Variants in NCOA7 observed in about 807,000 individuals in gnomAD.
The protein encoded by NCOA7 is 140 kDa estrogen receptor-associated protein.
In NCOA7, 45 loss-of-function variants were observed where a neutral mutation model predicts 104.3. That is an observed-to-expected ratio of 0.43 (90% CI 0.34 to 0.55). The LOEUF (loss-of-function observed/expected upper bound fraction) is 0.55. Among genes scored for constraint, NCOA7 ranks in the 20% least tolerant of loss-of-function variants. The pLI, the probability that NCOA7 is intolerant of heterozygous loss-of-function variation, is 0.02. For synonymous variants in NCOA7, 398 were observed against 402.3 expected (o/e 0.99, Z 0.13); for missense variants, 1,041 against 1,119.7 (o/e 0.93, Z 1.00).
intron 3 of NCOA7, among the ~76,000 whole-genome samples, chr6:125,866,882 G>A (rs1031610988): frequency 6.6e-6 from 1 of 152,084 alleles, no homozygotes; most frequent in Non-Finnish European, 1.5e-5. Context: ...ATAGTCTTAT[G>A]TATTTGTGCT....
At chr6:125,788,698 A>ATTTTTTTTTTTT (rs60048395), upstream of NCOA7, among the ~76,000 whole-genome samples, 9 of 121,912 alleles carry the variant, frequency 7.4e-5, no homozygotes, top group African/African-American at 2.2e-4. Flanking sequence ...CACCCAGCTA[A>ATTTTTTTTTTTT]TTTTTTTTTT....
chr6:125,857,893 G>C, intron 3 of NCOA7, among the ~76,000 whole-genome samples: 1 of 151,684 alleles, frequency 6.6e-6, no homozygotes, highest in East Asian at 1.9e-4. Context: ...AGCCCAAAGC[G>C]TATGCTTTTT....
rs956456753 is a variant in NCOA7 at position 125,840,578 on chromosome 6, A to T, written c.51-14442A>T. 2.0e-5 allele frequency among the ~76,000 whole-genome samples: 3 copies of T among 151,738 alleles called. 1 individual carries two copies. Among genetic ancestry groups the T allele is most frequent in the African/African-American group, 7.3e-5 (3 of 41,164 alleles). ...GCCCCAGATGGAGTGCAGTGGCATG[A>T]TCATAGCTCACTGTAGCCTCAAACC... On this transcript the variant is annotated intron_variant, in intron 2 of 15. Coordinates refer to ENST00000392477, the MANE Select transcript of NCOA7 (RefSeq NM_181782.5).
Position 125,928,808 on chromosome 6 carries a change from TG to T in NCOA7, c.*40del. 6.3e-7 allele frequency: 1 copy of T among 1,598,718 alleles called. No homozygotes were observed. On this transcript the variant is annotated 3_prime_UTR_variant, in exon 16 of 16. Coordinates refer to ENST00000392477, the MANE Select transcript of NCOA7 (RefSeq NM_181782.5). ...CCTTAAAATATAACATTAAAAAGAC[TG>T]GGTTCGATCAGCCCTCCTAAAGCTG...
chr6:125,803,732 C>G (rs1776139837), intron 1 of NCOA7, among the ~76,000 whole-genome samples: 1 of 152,172 alleles, frequency 6.6e-6, no homozygotes, highest in Admixed American at 6.5e-5. Flanking sequence ...TCACTGATAA[C>G]ATCTCAGAAG....
chr6:125,845,505 G>C (rs912757435), intron 2 of NCOA7, among the ~76,000 whole-genome samples: 1 of 152,184 alleles, frequency 6.6e-6, no homozygotes, highest in Non-Finnish European at 1.5e-5. Context: ...GCTGGGCACG[G>C]TGGCTCATGC....
At chr6:125,872,340 T>C (rs1782999883) in intron 3 of NCOA7, among the ~76,000 whole-genome samples, 1 of 152,210 alleles carries the variant, frequency 6.6e-6, no homozygotes, top group South Asian at 2.1e-4. Context: ...ACCAGAGATA[T>C]CTAGCTACAG....
Position 125,931,482 on chromosome 6 carries a change from G to C in NCOA7, c.*2711G>C, listed in dbSNP as rs574109585. ...TTGGCATCCTGACACCTAGCCCCTAGATGTTGGGCTAGATGAAGACCCCAA... is the reference window on the plus strand; with the variant it reads ...TTGGCATCCTGACACCTAGCCCCTACATGTTGGGCTAGATGAAGACCCCAA... On this transcript the variant is annotated 3_prime_UTR_variant, in exon 16 of 16. Coordinates refer to ENST00000392477, the MANE Select transcript of NCOA7 (RefSeq NM_181782.5). 2.0e-5 allele frequency: 3 copies of C among 152,266 alleles called. No homozygotes were observed. In the South Asian group the frequency reaches 6.2e-4, roughly 32 times the overall value. 9.4% of individuals were successfully genotyped at this position (152,266 alleles called of 1,614,324 possible). A position where few individuals can be genotyped will look rare whatever the true frequency, so the allele number is the denominator to read the frequency against.
chr6:125,856,798 T>G (rs1438579729), intron 3 of NCOA7, among the ~76,000 whole-genome samples: 3 of 152,112 alleles, frequency 2.0e-5, no homozygotes, highest in African/African-American at 7.2e-5. Context: ...GTAAATGAAA[T>G]GTGGCCTTGT....
intron 1 of NCOA7, among the ~76,000 whole-genome samples, chr6:125,785,053 C>A (rs1363552712): frequency 6.6e-6 from 1 of 152,016 alleles, no homozygotes; most frequent in East Asian, 1.9e-4. Context: ...ACTGGTGAAA[C>A]CTGGCTGGAT....
At chr6:125,799,707 G>T (rs1465515508) in intron 1 of NCOA7, among the ~76,000 whole-genome samples, 1 of 152,148 alleles carries the variant, frequency 6.6e-6, no homozygotes, top group African/African-American at 2.4e-5. Flanking sequence ...CTCCCAAAGT[G>T]CTGGGTTTAC....
intron 2 of NCOA7, among the ~76,000 whole-genome samples, chr6:125,854,328 T>C (rs1781372986): frequency 6.6e-6 from 1 of 152,246 alleles, no homozygotes; most frequent in Non-Finnish European, 1.5e-5. Flanking sequence ...TGAATTATGC[T>C]AACTTTATCT....
At chr6:125,861,501 G>A (rs1253987631) in intron 3 of NCOA7, among the ~76,000 whole-genome samples, 1 of 151,946 alleles carries the variant, frequency 6.6e-6, no homozygotes, top group Admixed American at 6.6e-5. Flanking sequence ...AAAGAATATA[G>A]GATTAAAATG....
chr6:125,927,391 G>A (rs1425498115), intron 13 of NCOA7, among the ~76,000 whole-genome samples: 1 of 152,150 alleles, frequency 6.6e-6, no homozygotes, highest in Non-Finnish European at 1.5e-5. Context: ...TTTTAAAATT[G>A]GAACAAATTG....
chr6:125,930,557 C>T lies in NCOA7; in HGVS notation c.*1786C>T, dbSNP rs2128706365. ...ATAACAAGTACTATTTACATATCTG[C>T]ATTTAAAAAAGCAATTCTTAGAATA... On this transcript the variant is annotated 3_prime_UTR_variant, in exon 16 of 16. Transcript: ENST00000392477. The T allele has an allele frequency of 6.5e-6, 1 of 152,698 alleles. No homozygotes were observed. Among genetic ancestry groups the T allele is most frequent in the East Asian group, 1.9e-4 (1 of 5,188 alleles). 9.5% of individuals were successfully genotyped at this position (152,698 alleles called of 1,614,324 possible).
chr6:125,781,401 T>G (rs1474249724), intron 1 of NCOA7: 1 of 152,204 alleles, frequency 6.6e-6, no homozygotes, highest in African/African-American at 2.4e-5. Flanking sequence ...TCGTTTCTTT[T>G]TTTTCAGCAG....
chr6:125,806,426 A>T (rs747179061), intron 1 of NCOA7, among the ~76,000 whole-genome samples: 15 of 152,214 alleles, frequency 9.9e-5, no homozygotes, highest in Non-Finnish European at 2.1e-4. Context: ...GCATATGGAA[A>T]ACAGAACTTC....
chr6:125,913,284 T>C (rs1432672691), intron 10 of NCOA7, among the ~76,000 whole-genome samples: 2 of 152,160 alleles, frequency 1.3e-5, no homozygotes, highest in Non-Finnish European at 2.9e-5. Context: ...TATTGCAGTA[T>C]CAAGCCTGAA....
chr6:125,890,566 T>C, intron 9 of NCOA7, 76 bp from the exon 10 acceptor site: 2 of 1,329,570 alleles, frequency 1.5e-6, no homozygotes, highest in Non-Finnish European at 1.0e-6. Context: ...TTGTGCACTA[T>C]TTTTTTTAAG....
Sources: gnomAD v4.1 joint callset for allele counts (sites outside exome capture counted in the v4.1 genomes callset) on GRCh38, gnomAD v4.1.1 for gene constraint, MANE v1.5 for transcripts, NCBI Gene and HGNC (gene_info 2026-07-23, HGNC 2026-07-21) for gene names.